The following PCDH15 variants were observed in gnomAD, a reference collection of about 807,000 sequenced individuals.
PCDH15 encodes the protein protocadherin-15.
PCDH15 carries 129 observed loss-of-function variants against 178.5 expected under a neutral mutation model. The observed-to-expected ratio is 0.72, with a 90% CI of 0.63 to 0.84. PCDH15 has a LOEUF of 0.84. Ranked by LOEUF, PCDH15 falls within the 40% of genes least tolerant of loss-of-function variation. PCDH15 has a pLI of 0.00. For synonymous variants in PCDH15, 800 were observed against 732.0 expected (o/e 1.09, Z -1.50); for missense variants, 2,230 against 2,099.9 (o/e 1.06, Z -1.21).
At chr10:55,379,895 A>G (rs1184430038) in intron 2 of PCDH15, among the ~76,000 whole-genome samples, 1 of 152,160 alleles carries the variant, frequency 6.6e-6, no homozygotes, top group African/African-American at 2.4e-5. Flanking sequence ...CAGAGAAGGC[A>G]GTTATTCTAG....
rs1360590946 is a variant in PCDH15 at position 54,789,841 on chromosome 10, C to A, written c.-29+11084G>T. ...TGATAAAAGCAAATATGTGATTCAGCAAGTTTCTTAATGTTTGAAAGTAAA... is the reference window on the plus strand; with the variant it reads ...TGATAAAAGCAAATATGTGATTCAGAAAGTTTCTTAATGTTTGAAAGTAAA... On this transcript the variant is annotated intron_variant, in intron 1 of 37. Coordinates refer to ENST00000644397, the MANE Select transcript of PCDH15 (RefSeq NM_001384140.1). 4.6e-5 allele frequency among the ~76,000 whole-genome samples: 7 copies of A among 151,930 alleles called. 1 individual carries two copies. The East Asian group carries it at 1.4e-3, about 30-fold the overall frequency.
chr10:54,246,789 TAGG>T (rs1234841580), intron 8 of PCDH15, among the ~76,000 whole-genome samples: 1 of 151,946 alleles, frequency 6.6e-6, no homozygotes, highest in Non-Finnish European at 1.5e-5. Context: ...TATCACAGAG[TAGG>T]AGAATTCTAA....
chr10:54,830,594 G>C (rs184970602), intron 3 of PCDH15, among the ~76,000 whole-genome samples: 3,144 of 149,144 alleles, frequency 0.021, 37 homozygotes, highest in Non-Finnish European at 0.032. Context: ...TGGGGTGGGG[G>C]TAGGGGGGAG....
chr10:54,779,481 T>TATATGTGTATATACATACACAC (rs1566222419), intron 1 of PCDH15, among the ~76,000 whole-genome samples: 2 of 74,292 alleles, frequency 2.7e-5, no homozygotes, highest in Non-Finnish European at 5.4e-5. Flanking sequence ...TATACACACA[T>TATATGTGTATATACATACACAC]ATATATGTAT....
In PCDH15 at chr10:55,334,587, G is replaced by A. The variant is rs191945408; in HGVS notation, c.-155-167936C>T. On this transcript the variant is annotated intron_variant, in intron 2 of 5. Transcript: ENST00000613346. ...TTCCCAAAGTGCTGGCATTACAGGC[G>A]TGAGCCATGGTGCCCGGCTGGGTGC... Among the ~76,000 whole-genome samples, 1,242 of 151,728 alleles carry A rather than the reference G, an allele frequency of 8.2e-3. 5 individuals carry two copies. The highest frequency in any genetic ancestry group is 0.013 in the Non-Finnish European group (917 of 67,926).
chr10:54,641,993 C>T (rs536606600), intron 2 of PCDH15, among the ~76,000 whole-genome samples: 8 of 152,188 alleles, frequency 5.3e-5, no homozygotes, highest in Admixed American at 5.2e-4. Context: ...TTTACATTGG[C>T]CTTTATTCAT....
chr10:54,695,512 TCA>T, intron 1 of PCDH15, among the ~76,000 whole-genome samples: 1 of 152,124 alleles, frequency 6.6e-6, no homozygotes, highest in South Asian at 2.1e-4. Flanking sequence ...TTAGCTAAGA[TCA>T]TTGTTGAAGG....
intron 5 of PCDH15, among the ~76,000 whole-genome samples, chr10:54,361,557 T>C (rs1023760385): frequency 2.0e-5 from 3 of 151,970 alleles, no homozygotes; most frequent in African/African-American, 4.8e-5. Context: ...TTTTTTTTAA[T>C]TGAGAAAACT....
chr10:53,876,850 T>C (rs1028643111), intron 26 of PCDH15, among the ~76,000 whole-genome samples: 1 of 152,134 alleles, frequency 6.6e-6, no homozygotes, highest in Admixed American at 6.5e-5. Context: ...GAAACAGCAA[T>C]GTAATAATGG....
intron 2 of PCDH15, among the ~76,000 whole-genome samples, chr10:55,355,308 C>T (rs1845047785): frequency 6.6e-6 from 1 of 151,968 alleles, no homozygotes; most frequent in South Asian, 2.1e-4. Context: ...AGAAAGAGTA[C>T]ATTTAACTTT....
chr10:55,615,855 T>C lies in PCDH15; in HGVS notation c.-156+11770A>G, dbSNP rs149148033. Among the ~76,000 whole-genome samples, 68 of 152,220 alleles carry C rather than the reference T, an allele frequency of 4.5e-4. No homozygotes were observed. In the East Asian group the frequency reaches 0.012, roughly 26 times the overall value. Reference sequence around the variant, plus strand: ...TGAGTCTGTAGTGAGCTATGATCATTCCATCGCTGCAGCCTGGGCGACAGA... The same window carrying C: ...TGAGTCTGTAGTGAGCTATGATCATCCCATCGCTGCAGCCTGGGCGACAGA... On this transcript the variant is annotated intron_variant, in intron 2 of 5. Transcript: ENST00000613346.
chr10:55,596,751 A>G (rs762749949), intron 2 of PCDH15, among the ~76,000 whole-genome samples: 1 of 152,182 alleles, frequency 6.6e-6, no homozygotes, highest in Non-Finnish European at 1.5e-5. Context: ...GTATGACATT[A>G]TGCCATGTTA....
chr10:53,971,138 C>T (rs1201352355), intron 21 of PCDH15, among the ~76,000 whole-genome samples: 1 of 152,076 alleles, frequency 6.6e-6, no homozygotes, highest in Non-Finnish European at 1.5e-5. Context: ...TCAACATACG[C>T]AAATCAATAA....
chr10:54,480,409 G>A (rs560940525), intron 3 of PCDH15, among the ~76,000 whole-genome samples: 21 of 152,088 alleles, frequency 1.4e-4, no homozygotes, highest in Non-Finnish European at 2.5e-4. Context: ...CAGCAAAACC[G>A]TAAGTGGCCT....
At chr10:54,501,237 A>C (rs557989576) in intron 3 of PCDH15, among the ~76,000 whole-genome samples, 8,691 of 140,116 alleles carry the variant, frequency 0.062, 285 homozygotes, top group South Asian at 0.1. Context: ...GTATAATAAT[A>C]AAAAAAAAAA....
chr10:54,099,513 A>AAAATATATAT (rs1347306483), intron 15 of PCDH15, among the ~76,000 whole-genome samples: 28 of 117,890 alleles, frequency 2.4e-4, no homozygotes, highest in South Asian at 1.2e-3. Flanking sequence ...AAAAAAAAAA[A>AAAATATATAT]ATATATATAT....
chr10:55,212,928 T>A lies in PCDH15; in HGVS notation c.-155-46277A>T, dbSNP rs559854876. 3.5e-4 allele frequency among the ~76,000 whole-genome samples: 53 copies of A among 152,244 alleles called. 1 individual carries two copies. The highest frequency in any genetic ancestry group is 2.8e-3 in the Admixed American group (43 of 15,296). On this transcript the variant is annotated intron_variant, in intron 1 of 5. Transcript: ENST00000458638. ...AAGGTTATATTATTCAGGGAATAGTTTTTAGTAAATTACAGCATGTATTCT... is the reference window on the plus strand; with the variant it reads ...AAGGTTATATTATTCAGGGAATAGTATTTAGTAAATTACAGCATGTATTCT...
chr10:53,844,825 A>T (rs2077871691), intron 28 of PCDH15, among the ~76,000 whole-genome samples: 1 of 152,052 alleles, frequency 6.6e-6, no homozygotes, highest in South Asian at 2.1e-4. Context: ...GTGAGCAAAG[A>T]TTTTGTAAGA....
At chr10:54,618,983 A>G (rs761122219) in intron 2 of PCDH15, among the ~76,000 whole-genome samples, 2 of 152,024 alleles carry the variant, frequency 1.3e-5, no homozygotes, top group African/African-American at 2.4e-5. Flanking sequence ...GAAAATTTGT[A>G]CATGAATTTT....
Sources: allele counts gnomAD v4.1 joint callset (sites outside exome capture counted in the v4.1 genomes callset), GRCh38; gene constraint gnomAD v4.1.1; transcripts MANE v1.5; gene names NCBI Gene and HGNC (gene_info 2026-07-23, HGNC 2026-07-21).